Variants in JAZF1 observed in about 807,000 individuals in gnomAD.
JAZF1 encodes JAZF zinc finger 1.
A neutral mutation model predicts 26.4 loss-of-function variants in JAZF1; 8 were observed. The observed-to-expected ratio is 0.30, with a 90% confidence interval of 0.18 to 0.55. The LOEUF is 0.55. Ranked by LOEUF, JAZF1 falls within the 20% of genes least tolerant of loss-of-function variation. The pLI is 0.94. For synonymous variants in JAZF1, 126 were observed against 122.3 expected, an observed-to-expected ratio of 1.03 and a Z score of -0.20; for missense variants, 199 against 322.0, an observed-to-expected ratio of 0.62 and a Z score of 2.92.
rs148384777 is a variant in JAZF1, at chr7:27,903,116, C to A, written c.189-7700G>T. Among the ~76,000 whole-genome samples, 469 of 151,042 alleles carry A rather than the reference C, an allele frequency of 3.1e-3. 3 individuals carry two copies. The highest frequency in any genetic ancestry group is 0.011 in the African/African-American group (445 of 41,226). ...TGCCATCTACACTAGCATTTGGTTA[C>A]TTTGGGGCACGGAATATTAGGATTT... On this transcript the variant is annotated intron_variant, in intron 2 of 4. Coordinates refer to ENST00000283928, the MANE Select transcript of JAZF1 (RefSeq NM_175061.4).
At chr7:28,081,749 A>G (rs1217418406) in intron 1 of JAZF1, among the ~76,000 whole-genome samples, 1 of 152,184 alleles carries the variant, frequency 6.6e-6, no homozygotes, top group African/African-American at 2.4e-5. Flanking sequence ...GGATGGGTCA[A>G]TCTGCATTTA....
At chr7:28,069,337 A>G (rs1053246861) in intron 1 of JAZF1, among the ~76,000 whole-genome samples, 6 of 152,236 alleles carry the variant, frequency 3.9e-5, no homozygotes, top group Admixed American at 3.3e-4. Context: ...CCTGGAGATC[A>G]AGTATGGTAC....
chr7:28,092,315 A>AAAAAAAAAAAAAAAAAC, intron 1 of JAZF1, among the ~76,000 whole-genome samples: 1 of 140,608 alleles, frequency 7.1e-6, no homozygotes, highest in Non-Finnish European at 1.5e-5. Flanking sequence ...AAAAAAAAAA[A>AAAAAAAAAAAAAAAAAC]AAAAAAAAAA....
At chr7:27,961,588 A>G (rs567252131) in intron 2 of JAZF1, among the ~76,000 whole-genome samples, 2 of 152,336 alleles carry the variant, frequency 1.3e-5, no homozygotes, top group Admixed American at 6.5e-5. Flanking sequence ...TATTCTCCCC[A>G]AAGAAAGCTT....
chr7:28,058,768 A>G (rs1451033983), intron 1 of JAZF1, among the ~76,000 whole-genome samples: 1 of 152,170 alleles, frequency 6.6e-6, no homozygotes, highest in Non-Finnish European at 1.5e-5. Context: ...ATTTCCAAAC[A>G]TATGCGTTTT....
chr7:27,832,060 CTCAA>C lies in JAZF1; in HGVS notation c.*736_*739del, dbSNP rs149951473. The C allele has an allele frequency of 3.1e-3, 666 of 213,594 alleles. 3 individuals are homozygous for C. Among genetic ancestry groups the C allele is most frequent in the African/African-American group, 0.013 (584 of 44,340 alleles). 13.2% of individuals were successfully genotyped at this position (213,594 alleles called of 1,614,324 possible). On this transcript the variant is annotated 3_prime_UTR_variant, in exon 5 of 5. Transcript: ENST00000283928. Reference sequence around the variant, plus strand: ...TTGAATCCCTTGTACCCAGCAGGCACTCAATCAATGTGTGTTAAATGAATGAACG... The same window carrying C: ...TTGAATCCCTTGTACCCAGCAGGCACTCAATGTGTGTTAAATGAATGAACG...
chr7:27,937,434 T>C (rs1784777221), intron 2 of JAZF1, among the ~76,000 whole-genome samples: 1 of 152,196 alleles, frequency 6.6e-6, no homozygotes, highest in African/African-American at 2.4e-5. Context: ...AATCACTCAA[T>C]AGAGGCGGTT....
chr7:28,008,887 CTTGT>C (rs1782747876), intron 1 of JAZF1, among the ~76,000 whole-genome samples: 1 of 152,190 alleles, frequency 6.6e-6, no homozygotes, highest in Admixed American at 6.5e-5. Context: ...GATCAACTAA[CTTGT>C]TTTATACATA....
intron 2 of JAZF1, among the ~76,000 whole-genome samples, chr7:27,971,476 C>A (rs1275682419): frequency 6.6e-6 from 1 of 152,134 alleles, no homozygotes. Context: ...AGTGAGAGAG[C>A]CTTCAAAGGC....
chr7:27,935,907 G>A (rs1346456510), intron 2 of JAZF1, among the ~76,000 whole-genome samples: 4 of 152,254 alleles, frequency 2.6e-5, no homozygotes, highest in East Asian at 3.9e-4. Flanking sequence ...GAGCTGGGTC[G>A]CCCAAAGTTC....
At chr7:27,855,449 A>G (rs571603403) in intron 3 of JAZF1, among the ~76,000 whole-genome samples, 27 of 152,180 alleles carry the variant, frequency 1.8e-4, no homozygotes, top group African/African-American at 6.3e-4. Flanking sequence ...TTTTTGAAAA[A>G]ATTAAAAAAT....
chr7:27,845,513 A>G (rs1450882842), intron 3 of JAZF1, among the ~76,000 whole-genome samples: 1 of 152,146 alleles, frequency 6.6e-6, no homozygotes, highest in Non-Finnish European at 1.5e-5. Flanking sequence ...CCTGGCCAAC[A>G]TGGTGAAACC....
chr7:28,085,479 C>T (rs75374063), intron 1 of JAZF1, among the ~76,000 whole-genome samples: 2,187 of 152,194 alleles, frequency 0.014, 58 homozygotes, highest in African/African-American at 0.049. Flanking sequence ...CTTCATAAAC[C>T]TACAAATAGG....
Position 27,833,547 on chromosome 7 carries a change from G to A in JAZF1, c.556-571C>T, listed in dbSNP as rs569562960. Reference sequence around the variant, plus strand: ...GCCAGTATCTCTGATGCCACTGTGGGAGCTACTTGTTGCCCAAATCTTGTC... The same window carrying A: ...GCCAGTATCTCTGATGCCACTGTGGAAGCTACTTGTTGCCCAAATCTTGTC... On this transcript the variant is annotated intron_variant, in intron 4 of 4. Transcript: ENST00000283928. 3.6e-4 allele frequency among the ~76,000 whole-genome samples: 54 copies of A among 152,094 alleles called. 1 individual carries two copies. Among genetic ancestry groups the A allele is most frequent in the Non-Finnish European group, 6.3e-4 (43 of 68,020 alleles).
chr7:28,102,605 A>AG (rs1175432365), intron 1 of JAZF1, among the ~76,000 whole-genome samples: 11 of 151,562 alleles, frequency 7.3e-5, no homozygotes, highest in African/African-American at 2.4e-4. Context: ...TTTGAAAAAA[A>AG]ATGTCTGCAT....
At chr7:28,044,788 G>A (rs1783466895) in intron 1 of JAZF1, among the ~76,000 whole-genome samples, 2 of 152,092 alleles carry the variant, frequency 1.3e-5, no homozygotes, top group Admixed American at 6.6e-5. Flanking sequence ...AGAATTCCTA[G>A]GTGTCTACAC....
chr7:27,971,193 C>T (rs549991515), intron 2 of JAZF1, among the ~76,000 whole-genome samples: 23 of 152,284 alleles, frequency 1.5e-4, no homozygotes, highest in African/African-American at 4.1e-4. Flanking sequence ...ATTTGCTGGA[C>T]GGCTTTGGGT....
intron 1 of JAZF1, among the ~76,000 whole-genome samples, chr7:28,047,370 G>T (rs1428598873): frequency 1.3e-5 from 2 of 152,016 alleles, no homozygotes; most frequent in Non-Finnish European, 2.9e-5. Flanking sequence ...GTTGTAAAAA[G>T]AAATTCTATT....
At chr7:28,142,346 C>T (rs1259035249) in intron 1 of JAZF1, among the ~76,000 whole-genome samples, 1 of 152,150 alleles carries the variant, frequency 6.6e-6, no homozygotes. Context: ...ACTCTGAGGA[C>T]CACACTTCGA....
Sources: allele counts gnomAD v4.1 joint callset (sites outside exome capture counted in the v4.1 genomes callset), GRCh38; gene constraint gnomAD v4.1.1; transcripts MANE v1.5; gene names NCBI Gene and HGNC (gene_info 2026-07-23, HGNC 2026-07-21).